Variants in FRMD4A observed in about 807,000 individuals in gnomAD.
FRMD4A encodes FERM domain-containing protein 4A.
A neutral mutation model predicts 129.1 loss-of-function variants in FRMD4A; 29 were observed. The ratio of observed to expected loss-of-function variants is 0.22; its 90% CI spans 0.17 to 0.31. FRMD4A has a LOEUF of 0.31. Among genes scored for constraint, FRMD4A ranks in the 10% least tolerant of loss-of-function variants. FRMD4A has a pLI of 1.00. For missense variants in FRMD4A, 1,272 were observed against 1,375.8 expected (o/e 0.92, Z 1.19); for synonymous variants, 634 against 571.6 (o/e 1.11, Z -1.56).
chr10:13,884,168 TCACACA>T (rs745788719), intron 2 of FRMD4A, among the ~76,000 whole-genome samples: 16,423 of 67,238 alleles, frequency 0.24, 1,533 homozygotes, highest in East Asian at 0.42. Context: ...ACACACACAC[TCACACA>T]CTCACACACA....
intron 18 of FRMD4A, 31 bp downstream of exon 18, chr10:13,666,066 G>T: frequency 1.4e-6 from 2 of 1,384,044 alleles, no homozygotes; most frequent in South Asian, 1.2e-5. Context: ...GGGCGTGGGA[G>T]TGGGGTGGGG....
intron 13 of FRMD4A, among the ~76,000 whole-genome samples, chr10:13,704,142 T>C (rs756126930): frequency 6.6e-6 from 1 of 152,154 alleles, no homozygotes; most frequent in Non-Finnish European, 1.5e-5. Flanking sequence ...TAACTCTCAA[T>C]ACAAGAGAAA....
intron 2 of FRMD4A, among the ~76,000 whole-genome samples, chr10:14,004,477 G>T (rs946526629): frequency 6.6e-6 from 1 of 152,176 alleles, no homozygotes; most frequent in Non-Finnish European, 1.5e-5. Flanking sequence ...AGGAGGTGGA[G>T]GTTGCAGTGA....
At chr10:13,779,181 A>G (rs10796123) in intron 6 of FRMD4A, among the ~76,000 whole-genome samples, 141,752 of 151,994 alleles carry the variant, frequency 0.93, 66,718 homozygotes, top group East Asian at 1. Context: ...GCCAGGTGTG[A>G]TGGCTGGTGC....
chr10:13,915,969 C>T (rs895611392), intron 2 of FRMD4A, among the ~76,000 whole-genome samples: 14 of 152,210 alleles, frequency 9.2e-5, no homozygotes, highest in African/African-American at 2.7e-4. Context: ...GGTTTCCCAA[C>T]ACTAGTAATT....
chr10:13,929,995 A>G (rs187212668), intron 2 of FRMD4A, among the ~76,000 whole-genome samples: 1 of 152,328 alleles, frequency 6.6e-6, no homozygotes, highest in Admixed American at 6.5e-5. Context: ...TATTAACCAA[A>G]AGGATTATAA....
At chr10:14,173,616 C>T (rs1459427505) in intron 2 of FRMD4A, among the ~76,000 whole-genome samples, 2 of 151,578 alleles carry the variant, frequency 1.3e-5, no homozygotes, top group Admixed American at 1.3e-4. Context: ...GCTGGGCACA[C>T]TCTTTGCCTT....
chr10:13,944,299 C>T (rs569661380), intron 2 of FRMD4A, among the ~76,000 whole-genome samples: 2 of 152,078 alleles, frequency 1.3e-5, no homozygotes, highest in South Asian at 2.1e-4. Flanking sequence ...GAACCCTGTT[C>T]GTGAACTGTG....
intron 2 of FRMD4A, among the ~76,000 whole-genome samples, chr10:13,941,810 G>T (rs545665426): frequency 8.5e-5 from 13 of 152,320 alleles, no homozygotes; most frequent in Admixed American, 3.3e-4. Context: ...TCTGAATTTT[G>T]CACAAAAACA....
chr10:13,693,540 G>A, intron 15 of FRMD4A: 2 of 1,195,932 alleles, frequency 1.7e-6, no homozygotes, highest in Non-Finnish European at 2.1e-6. Context: ...ACACACAAGT[G>A]GGCACATGAG....
At chr10:13,681,773 G>A (rs943097) in intron 15 of FRMD4A, among the ~76,000 whole-genome samples, 21,994 of 152,134 alleles carry the variant, frequency 0.14, 2,029 homozygotes, top group Non-Finnish European at 0.19. Context: ...GGAAGGTTGT[G>A]TAACCTCTCG....
chr10:13,988,735 T>C (rs553892867), intron 2 of FRMD4A, among the ~76,000 whole-genome samples: 1 of 152,216 alleles, frequency 6.6e-6, no homozygotes, highest in Admixed American at 6.5e-5. Context: ...CAGAGAGATC[T>C]CTATGTAGAT....
intron 2 of FRMD4A, among the ~76,000 whole-genome samples, chr10:13,967,507 AC>A (rs1426175323): frequency 2.0e-5 from 3 of 152,208 alleles, no homozygotes; most frequent in Non-Finnish European, 4.4e-5. Context: ...AACTAACACC[AC>A]CTGTTCCCCA....
chr10:14,151,930 A>C (rs1476154431), intron 2 of FRMD4A, among the ~76,000 whole-genome samples: 4 of 152,046 alleles, frequency 2.6e-5, no homozygotes. Flanking sequence ...CCCAGGTTCT[A>C]GTTTCTGAGA....
At chr10:13,963,695 G>A (rs960319385) in intron 2 of FRMD4A, among the ~76,000 whole-genome samples, 2 of 152,170 alleles carry the variant, frequency 1.3e-5, no homozygotes, top group Non-Finnish European at 2.9e-5. Flanking sequence ...TTTCTATAAA[G>A]AAGAAAACAC....
chr10:14,231,913 G>A (rs1843652565), intron 2 of FRMD4A, among the ~76,000 whole-genome samples: 1 of 152,060 alleles, frequency 6.6e-6, no homozygotes, highest in Non-Finnish European at 1.5e-5. Context: ...TTCTTTTTCT[G>A]TGCAGAAGCT....
At chr10:13,906,914 C>T (rs1228547248) in intron 2 of FRMD4A, among the ~76,000 whole-genome samples, 2 of 152,110 alleles carry the variant, frequency 1.3e-5, no homozygotes, top group Non-Finnish European at 2.9e-5. Flanking sequence ...TGGGAATGCC[C>T]GTCAGTCACA....
At chr10:13,674,085 T>C (rs2083756553) in intron 16 of FRMD4A, among the ~76,000 whole-genome samples, 1 of 152,148 alleles carries the variant, frequency 6.6e-6, no homozygotes, top group South Asian at 2.1e-4. Context: ...AATTTAAAAA[T>C]GTCATTAGGC....
At chr10:14,218,006 T>C (rs555968939) in intron 2 of FRMD4A, among the ~76,000 whole-genome samples, 129 of 152,238 alleles carry the variant, frequency 8.5e-4, no homozygotes, top group African/African-American at 3.0e-3. Flanking sequence ...AGTTTTTGTA[T>C]TTTTAGTAGA....
Sources: gnomAD v4.1 joint callset for allele counts (sites outside exome capture counted in the v4.1 genomes callset) on GRCh38, gnomAD v4.1.1 for gene constraint, MANE v1.5 for transcripts, NCBI Gene and HGNC (gene_info 2026-07-23, HGNC 2026-07-21) for gene names.